Variants in TSPAN2 observed in about 807,000 individuals in gnomAD.
The protein encoded by TSPAN2 is tetraspanin-2.
Under a neutral mutation model 33.3 loss-of-function variants are expected in TSPAN2, and 24 were observed. The ratio of observed to expected loss-of-function variants is 0.72; its 90% CI spans 0.52 to 1.01. The LOEUF is 1.01. TSPAN2 is among the 50% of genes least tolerant of loss of function. The pLI is 0.00. For missense variants in TSPAN2, 278 were observed against 281.3 expected, an observed-to-expected ratio of 0.99 and a Z score of 0.08; for synonymous variants, 114 against 104.5, an observed-to-expected ratio of 1.09 and a Z score of -0.56.
rs559723177 is a variant in TSPAN2 at position 115,053,849 on chromosome 1, T to C, written c.517-387A>G. 2.0e-5 allele frequency among the ~76,000 whole-genome samples: 3 copies of C among 152,330 alleles called. No individual in the cohort carries two copies. The South Asian group carries it at 6.2e-4, about 32-fold the overall frequency. On this transcript the variant is annotated intron_variant, in intron 6 of 7. Transcript: ENST00000369516. ...TTTGTTTTCATATTGTCATTTACAGTTTAAAATACTTTCTATGTCTTTGAC... is the reference window on the plus strand; with the variant it reads ...TTTGTTTTCATATTGTCATTTACAGCTTAAAATACTTTCTATGTCTTTGAC...
In TSPAN2 at chr1:115,062,942, G is replaced by A. The variant is rs1049694753; in HGVS notation, c.173-710C>T. 3.3e-5 allele frequency among the ~76,000 whole-genome samples: 5 copies of A among 152,270 alleles called. No individual in the cohort carries two copies. In the East Asian group the frequency reaches 7.8e-4, roughly 24 times the overall value. On this transcript the variant is annotated intron_variant, in intron 2 of 7. Coordinates refer to ENST00000369516, the MANE Select transcript of TSPAN2 (RefSeq NM_005725.6). Reference sequence around the variant, plus strand: ...GGCTGCTCTGCTTCCTGCCCCACCCGGACCTGGCCTCAGCGTTCTTTTCAG... The same window carrying A: ...GGCTGCTCTGCTTCCTGCCCCACCCAGACCTGGCCTCAGCGTTCTTTTCAG...
chr1:115,087,517 G>A (rs1255415815), intron 1 of TSPAN2, among the ~76,000 whole-genome samples: 1 of 150,984 alleles, frequency 6.6e-6, no homozygotes, highest in Non-Finnish European at 1.5e-5. Flanking sequence ...TTGGGCGGCT[G>A]AGGCAGGAGA....
intron 3 of TSPAN2, among the ~76,000 whole-genome samples, chr1:115,061,046 C>T (rs1420893662): frequency 6.6e-6 from 1 of 152,150 alleles, no homozygotes; most frequent in African/African-American, 2.4e-5. Flanking sequence ...GGGTGTCCTT[C>T]TGGATGGATT....
chr1:115,084,354 T>C (rs1648748511), intron 1 of TSPAN2, among the ~76,000 whole-genome samples: 1 of 152,152 alleles, frequency 6.6e-6, no homozygotes, highest in Non-Finnish European at 1.5e-5. Flanking sequence ...CCCTAGGTAG[T>C]AAAGAGTGGA....
chr1:115,065,821 TG>T (rs1647928900), intron 2 of TSPAN2, among the ~76,000 whole-genome samples: 1 of 152,220 alleles, frequency 6.6e-6, no homozygotes, highest in South Asian at 2.1e-4. Context: ...ATTTTCCTAC[TG>T]TTCTATAGAA....
chr1:115,086,795 G>A (rs2101051829), intron 1 of TSPAN2, among the ~76,000 whole-genome samples: 1 of 152,306 alleles, frequency 6.6e-6, no homozygotes, highest in South Asian at 2.1e-4. Context: ...TTGTTTAACA[G>A]AATGGGTCTC....
chr1:115,060,691 C>A (rs1647683639), intron 3 of TSPAN2, among the ~76,000 whole-genome samples, 153 bp from the exon 4 acceptor site: 1 of 152,164 alleles, frequency 6.6e-6, no homozygotes, highest in Non-Finnish European at 1.5e-5. Context: ...GGCATTTATT[C>A]TGCACCAGGT....
At chr1:115,055,414 C>T (rs1647362708) in intron 6 of TSPAN2, among the ~76,000 whole-genome samples, 1 of 151,882 alleles carries the variant, frequency 6.6e-6, no homozygotes, top group Non-Finnish European at 1.5e-5. Context: ...ACAAACACAC[C>T]TACACCCTTA....
At chr1:115,070,577 C>T (rs1025227621) in intron 2 of TSPAN2, among the ~76,000 whole-genome samples, 1 of 151,942 alleles carries the variant, frequency 6.6e-6, no homozygotes, top group Admixed American at 6.6e-5. Context: ...CCCACCATGC[C>T]CTAGTCCTCA....
chr1:115,067,810 G>A (rs1036400284), intron 2 of TSPAN2, among the ~76,000 whole-genome samples: 8 of 152,164 alleles, frequency 5.3e-5, no homozygotes, highest in Non-Finnish European at 1.5e-5. Context: ...ATGACTTCAT[G>A]CACCAAGCAC....
chr1:115,076,442 A>G (rs1648416056), intron 1 of TSPAN2, among the ~76,000 whole-genome samples: 1 of 152,108 alleles, frequency 6.6e-6, no homozygotes, highest in South Asian at 2.1e-4. Flanking sequence ...CATGAATGTT[A>G]CCTGGAGGTC....
intron 2 of TSPAN2, 73 bp from the exon 3 acceptor site, chr1:115,062,305 C>T: frequency 8.7e-7 from 1 of 1,145,472 alleles, no homozygotes; most frequent in Middle Eastern, 1.9e-4. Flanking sequence ...GCTTAAGACT[C>T]TGGGCACTGC....
intron 2 of TSPAN2, among the ~76,000 whole-genome samples, chr1:115,067,197 T>G (rs1191901299): frequency 6.6e-6 from 1 of 152,270 alleles, no homozygotes; most frequent in African/African-American, 2.4e-5. Context: ...TGCTTTCGTT[T>G]TAGCAGTAAC....
chr1:115,076,613 T>C (rs1335523829), intron 1 of TSPAN2, among the ~76,000 whole-genome samples: 1 of 152,240 alleles, frequency 6.6e-6, no homozygotes, highest in Non-Finnish European at 1.5e-5. Flanking sequence ...CGCCAATCCC[T>C]GTGCCTTTGG....
At chr1:115,076,864 G>A (rs1428272032) in intron 1 of TSPAN2, among the ~76,000 whole-genome samples, 4 of 151,990 alleles carry the variant, frequency 2.6e-5, no homozygotes, top group Admixed American at 6.6e-5. Flanking sequence ...TCAATCCAGA[G>A]GCAGCCCACC....
At chr1:115,071,196 C>T (rs1257886377) in intron 2 of TSPAN2, among the ~76,000 whole-genome samples, 2 of 152,112 alleles carry the variant, frequency 1.3e-5, no homozygotes, top group Non-Finnish European at 2.9e-5. Flanking sequence ...GTCAGAGATC[C>T]AATCATAGTA....
chr1:115,048,586 A>C lies in TSPAN2; in HGVS notation c.*1904T>G, dbSNP rs41274140. 52 of 152,000 alleles carry C rather than the reference A, an allele frequency of 3.4e-4. No individual in the cohort carries two copies. The highest frequency in any genetic ancestry group is 4.9e-4 in the Non-Finnish European group (33 of 67,932). The allele number at this position is 152,000 out of a possible 1,614,324, so 9.4% of individuals were successfully genotyped here. ...TTAATTCAGATAGGAAACTAAACTC[A>C]CTTTTGTGGAATCAGAGATGATTCT... On this transcript the variant is annotated 3_prime_UTR_variant, in exon 8 of 8. Transcript: ENST00000369516.
At chr1:115,054,399 T>G (rs893195245) in intron 6 of TSPAN2, among the ~76,000 whole-genome samples, 2 of 152,168 alleles carry the variant, frequency 1.3e-5, no homozygotes, top group South Asian at 4.1e-4. Context: ...GCAGAGACAA[T>G]AGGATATGGT....
At chr1:115,080,723 C>T (rs941601100) in intron 1 of TSPAN2, among the ~76,000 whole-genome samples, 1 of 152,186 alleles carries the variant, frequency 6.6e-6, no homozygotes, top group Admixed American at 6.5e-5. Flanking sequence ...GAACTGAACT[C>T]AATGTCTGCC....
Sources: allele counts gnomAD v4.1 joint callset (sites outside exome capture counted in the v4.1 genomes callset), GRCh38; gene constraint gnomAD v4.1.1; transcripts MANE v1.5; gene names NCBI Gene and HGNC (gene_info 2026-07-23, HGNC 2026-07-21).